Variants in AK6 observed in about 807,000 individuals in gnomAD.
AK6 encodes adenylate kinase isoenzyme 6.
Under a neutral mutation model 23.7 loss-of-function variants are expected in AK6, and 24 were observed. The ratio of observed to expected loss-of-function variants is 1.01; its 90% CI spans 0.73 to 1.43. The LOEUF is 1.43. Among genes scored for constraint, AK6 ranks in the 40% most tolerant of loss-of-function variants. AK6 has a pLI of 0.00. For missense variants in AK6, 191 were observed against 199.1 expected, an observed-to-expected ratio of 0.96 and a Z score of 0.24; for synonymous variants, 73 against 69.8, an observed-to-expected ratio of 1.05 and a Z score of -0.23.
At chr5:69,353,256 G>A (rs1192720742) in intron 4 of AK6, among the ~76,000 whole-genome samples, 2 of 152,090 alleles carry the variant, frequency 1.3e-5, no homozygotes, top group East Asian at 3.9e-4. Flanking sequence ...AGGGTAAATG[G>A]GGAGTGACTA....
intron 4 of AK6, among the ~76,000 whole-genome samples, chr5:69,354,324 A>G (rs1416738654): frequency 6.6e-6 from 1 of 152,200 alleles, no homozygotes; most frequent in Non-Finnish European, 1.5e-5. Context: ...CCTAAAAAAG[A>G]TAAAAGTTTT....
intron 2 of AK6, among the ~76,000 whole-genome samples, chr5:69,364,571 C>A (rs969033262): frequency 6.6e-6 from 1 of 152,164 alleles, no homozygotes; most frequent in Non-Finnish European, 1.5e-5. Context: ...GAGTGACGTA[C>A]ACACCAGAGA....
At chr5:69,358,796 T>C (rs771550082) in intron 2 of AK6, among the ~76,000 whole-genome samples, 15 of 152,086 alleles carry the variant, frequency 9.9e-5, no homozygotes, top group African/African-American at 1.7e-4. Context: ...TGCCTATACA[T>C]AGGATCTTAA....
At chr5:69,365,781 A>G in intron 2 of AK6, 1 of 1,432,768 alleles carries the variant, frequency 7.0e-7, no homozygotes, top group South Asian at 1.6e-5. Context: ...AAAAATATGT[A>G]CATTAGATCA....
chr5:69,365,130 A>G (rs1473818170), intron 2 of AK6: 1 of 1,614,244 alleles, frequency 6.2e-7, no homozygotes, highest in South Asian at 1.1e-5. Flanking sequence ...GGTTGCAGGA[A>G]TTGAAGCTTT....
Position 69,369,506 on chromosome 5 carries a change from G to T in AK6, c.-16C>A. On this transcript the variant is annotated 5_prime_UTR_variant, in exon 1 of 5. Transcript: ENST00000380822. ...GAAGCAACATGGTCCCCGCCGCGAC[G>T]GCTTCGGGCGCCTCGCTCACGTGCC... 10 of 1,611,152 alleles carry T rather than the reference G, an allele frequency of 6.2e-6. No homozygotes were observed. Among genetic ancestry groups the T allele is most frequent in the Non-Finnish European group, 8.5e-6 (10 of 1,179,182 alleles).
intron 1 of AK6, 103 bp downstream of exon 1, chr5:69,369,360 C>G (rs1260629682): frequency 1.5e-6 from 2 of 1,345,422 alleles, no homozygotes; most frequent in Non-Finnish European, 2.0e-6. Flanking sequence ...CGGCCGGCCT[C>G]TGAAGAGGGC....
At chr5:69,356,415 G>A (rs915860903) in intron 2 of AK6, among the ~76,000 whole-genome samples, 7 of 151,286 alleles carry the variant, frequency 4.6e-5, no homozygotes, top group African/African-American at 1.7e-4. Context: ...CAGCCCATAC[G>A]AGGTAGGAGG....
At chr5:69,360,764 G>T (rs1762210808) in intron 2 of AK6, among the ~76,000 whole-genome samples, 1 of 152,188 alleles carries the variant, frequency 6.6e-6, no homozygotes, top group African/African-American at 2.4e-5. Context: ...GAAAAGGATA[G>T]AACAGGGATC....
chr5:69,368,343 T>G (rs1359541758), intron 1 of AK6, among the ~76,000 whole-genome samples: 1 of 152,182 alleles, frequency 6.6e-6, no homozygotes, highest in African/African-American at 2.4e-5. Flanking sequence ...AACTTAAGCA[T>G]AAAGATAACA....
intron 1 of AK6, chr5:69,369,074 C>T (rs544422947): frequency 1.4e-5 from 4 of 295,174 alleles, no homozygotes; most frequent in Non-Finnish European, 2.5e-5. Flanking sequence ...ATGACTCTAC[C>T]GGGAAGCAGA....
In AK6 at chr5:69,358,288, C is replaced by T. The variant is rs369860578; in HGVS notation, c.122-2335G>A. 3.3e-5 allele frequency among the ~76,000 whole-genome samples: 5 copies of T among 152,022 alleles called. 1 individual carries two copies. The highest frequency in any genetic ancestry group is 7.2e-5 in the African/African-American group (3 of 41,488). ...CTGTAATTCCAGCACACTGGAAGGC[C>T]GAGGTGGTTGATCACCTGTGGTCAG... On this transcript the variant is annotated intron_variant, in intron 2 of 4. Transcript: ENST00000380822.
intron 1 of AK6, chr5:69,366,938 C>T (rs532945846): frequency 7.4e-4 from 171 of 229,554 alleles, no homozygotes; most frequent in African/African-American, 3.6e-3. Flanking sequence ...TTTGTATTTT[C>T]AGTAGAGACC....
chr5:69,352,341 T>TC, intron 4 of AK6, 88 bp from the exon 5 acceptor site: 5 of 1,007,278 alleles, frequency 5.0e-6, no homozygotes, highest in Non-Finnish European at 5.9e-6. Context: ...TGGACACTTT[T>TC]CAATACGTGA....
At position 69,369,480 on chromosome 5, in the gene AK6, G is replaced by A. The variant is rs146960635; in HGVS notation, c.11C>T (p.Pro4Leu). 1.9e-6 allele frequency: 3 copies of A among 1,611,118 alleles called. No homozygotes were observed. Among genetic ancestry groups the A allele is most frequent in the African/African-American group, 1.3e-5 (1 of 74,706 alleles). The change falls in exon 1 of 5, where the codon CCG (proline) becomes CTG (leucine). Residue 4 changes from proline (P) to leucine (L), a missense_variant. Physicochemically the swap from Pro to Leu is moderately conservative, Grantham distance 98. Coordinates refer to ENST00000380822, the MANE Select transcript of AK6 (RefSeq NM_016283.5). The part of the protein sequence containing the change: MLL[P>L]NILLTGTPGV... ...GCCCTGACCGGTGAGCAGGATGTTC[G>A]GAAGCAACATGGTCCCCGCCGCGAC...
At chr5:69,356,896 A>G (rs939690220) in intron 2 of AK6, among the ~76,000 whole-genome samples, 2 of 152,246 alleles carry the variant, frequency 1.3e-5, no homozygotes, top group Admixed American at 6.5e-5. Context: ...TAAATTTAAC[A>G]TAAGAACTTT....
At chr5:69,360,421 C>G (rs964718946) in intron 2 of AK6, among the ~76,000 whole-genome samples, 12 of 152,164 alleles carry the variant, frequency 7.9e-5, no homozygotes, top group African/African-American at 2.9e-4. Context: ...GTCAAGGATG[C>G]TTTCAGAGCA....
At chr5:69,356,393 C>T (rs928827368) in intron 2 of AK6, among the ~76,000 whole-genome samples, 23 of 68,818 alleles carry the variant, frequency 3.3e-4, no homozygotes, top group Admixed American at 1.9e-3. Context: ...GGTGGCTTTG[C>T]GCTTGTAATC....
intron 4 of AK6, among the ~76,000 whole-genome samples, chr5:69,353,084 G>T (rs1016388135): frequency 1.3e-5 from 2 of 152,064 alleles, no homozygotes; most frequent in African/African-American, 4.8e-5. Context: ...TGAAGTACTG[G>T]TCTATGATAC....
Sources: gnomAD v4.1 joint callset for allele counts (sites outside exome capture counted in the v4.1 genomes callset) on GRCh38, gnomAD v4.1.1 for gene constraint, MANE v1.5 for transcripts, NCBI Gene and HGNC (gene_info 2026-07-23, HGNC 2026-07-21) for gene names.